Variants in ARHGEF10L observed in about 807,000 individuals in gnomAD.
ARHGEF10L encodes the protein rho guanine nucleotide exchange factor 10-like protein.
In ARHGEF10L, 69 loss-of-function variants were observed where a neutral mutation model predicts 141.2. The ratio of observed to expected loss-of-function variants is 0.49; its 90% CI spans 0.40 to 0.60. The LOEUF (loss-of-function observed/expected upper bound fraction) is 0.60, where lower values mean the gene tolerates loss of function less well. ARHGEF10L is among the 20% of genes least tolerant of loss of function. ARHGEF10L has a pLI of 0.00. For missense variants in ARHGEF10L, 1,482 were observed against 1,734.3 expected (o/e 0.85, Z 2.58); for synonymous variants, 711 against 718.5 (o/e 0.99, Z 0.17).
chr1:17,588,774 C>T (rs185163909), intron 4 of ARHGEF10L, among the ~76,000 whole-genome samples: 30 of 150,276 alleles, frequency 2.0e-4, no homozygotes, highest in African/African-American at 5.4e-4. Flanking sequence ...AGTCTGTTTG[C>T]GGCTGAAGGG....
At chr1:17,526,796 T>G in the ARHGEF10L span, among the ~76,000 whole-genome samples, 1 of 152,086 alleles carries the variant, frequency 6.6e-6, no homozygotes. Flanking sequence ...TCTCAGCTAC[T>G]TAGAGGCTGA....
chr1:17,600,260 C>T (rs2080513136), intron 4 of ARHGEF10L, among the ~76,000 whole-genome samples: 1 of 152,224 alleles, frequency 6.6e-6, no homozygotes, highest in South Asian at 2.1e-4. Flanking sequence ...CCTCCCTCTT[C>T]CCCTGCCCTG....
intron 4 of ARHGEF10L, among the ~76,000 whole-genome samples, chr1:17,596,906 G>A (rs1250419274): frequency 6.6e-6 from 1 of 152,160 alleles, no homozygotes; most frequent in African/African-American, 2.4e-5. Flanking sequence ...ACAAAAAAAA[G>A]TAGATGGGCG....
At chr1:17,581,738 G>A (rs888944890) in intron 2 of ARHGEF10L, among the ~76,000 whole-genome samples, 12 of 152,240 alleles carry the variant, frequency 7.9e-5, no homozygotes, top group East Asian at 5.8e-4. Context: ...TATGTCAGGC[G>A]TGGGCATGGG....
At chr1:17,622,809 G>A (rs1557850683) in intron 11 of ARHGEF10L, among the ~76,000 whole-genome samples, 187 bp from the exon 12 acceptor site, 1 of 152,146 alleles carries the variant, frequency 6.6e-6, no homozygotes, top group African/African-American at 2.4e-5. Context: ...TGTTGTGTGT[G>A]GCCAGTGAGG....
At chr1:17,517,495 T>C in the ARHGEF10L span, among the ~76,000 whole-genome samples, 1 of 151,862 alleles carries the variant, frequency 6.6e-6, no homozygotes, top group Non-Finnish European at 1.5e-5. Flanking sequence ...GGCTAGTTTT[T>C]GTAGAGAGAG....
chr1:17,628,191 A>G (rs1245049292), intron 15 of ARHGEF10L, among the ~76,000 whole-genome samples: 1 of 152,118 alleles, frequency 6.6e-6, no homozygotes, highest in African/African-American at 2.4e-5. Context: ...TATAAAAATT[A>G]GCCAGGCATG....
chr1:17,546,853 C>T (rs1188796223), intron 1 of ARHGEF10L, among the ~76,000 whole-genome samples: 1 of 152,182 alleles, frequency 6.6e-6, no homozygotes, highest in African/African-American at 2.4e-5. Context: ...CTCATAATTG[C>T]AGAGTGGCAG....
the ARHGEF10L span, among the ~76,000 whole-genome samples, chr1:17,515,805 G>C: frequency 6.6e-6 from 1 of 152,068 alleles, no homozygotes; most frequent in Non-Finnish European, 1.5e-5. Context: ...ACCATGCCTG[G>C]CTAACTTTTG....
At position 17,587,615 on chromosome 1, in the gene ARHGEF10L, C is replaced by T. The variant is rs146707371; in HGVS notation, c.193C>T (p.Leu65=). ...LAPERDTDPP[L]IHLDSIPVTD... ...TCCTGAGAGGGACACAGACCCCCCA[C>T]TGATCCACTTGGACTCCATCCCTGT... The change falls in exon 3 of 29, where the codon CTG becomes TTG. Residue 65 remains leucine, a synonymous_variant. Transcript: ENST00000361221. The T allele has an allele frequency of 5.6e-6, 9 of 1,613,700 alleles. No homozygotes were observed. In the African/African-American group the frequency reaches 6.7e-5, roughly 12 times the overall value.
At chr1:17,641,906 A>T (rs1279634026) in intron 21 of ARHGEF10L, among the ~76,000 whole-genome samples, 1 of 150,804 alleles carries the variant, frequency 6.6e-6, no homozygotes, top group African/African-American at 2.4e-5. Flanking sequence ...ACTTGAACCT[A>T]GGAGGCGGAG....
intron 26 of ARHGEF10L, among the ~76,000 whole-genome samples, chr1:17,667,150 G>C (rs1219852224): frequency 6.6e-6 from 1 of 152,322 alleles, no homozygotes; most frequent in Non-Finnish European, 1.5e-5. Context: ...ACAGGTGCTC[G>C]GCCTGTAGGC....
chr1:17,527,537 C>A, the ARHGEF10L span, among the ~76,000 whole-genome samples: 1 of 152,178 alleles, frequency 6.6e-6, no homozygotes, highest in South Asian at 2.1e-4. Context: ...ACCCCTCACC[C>A]GGAGCCGATC....
chr1:17,694,628 C>T, intron 27 of ARHGEF10L: 2 of 321,708 alleles, frequency 6.2e-6, no homozygotes, highest in Non-Finnish European at 1.2e-5. Flanking sequence ...GCTGTGACCT[C>T]ATCTGAAGAA....
chr1:17,520,157 G>A, the ARHGEF10L span, among the ~76,000 whole-genome samples: 1 of 152,194 alleles, frequency 6.6e-6, no homozygotes, highest in African/African-American at 2.4e-5. Context: ...GGTCCTCCCA[G>A]GCTGGTTGAT....
At chr1:17,592,501 C>G (rs758105965) in intron 4 of ARHGEF10L, among the ~76,000 whole-genome samples, 3 of 152,118 alleles carry the variant, frequency 2.0e-5, no homozygotes, top group Non-Finnish European at 4.4e-5. Flanking sequence ...GACAGGGAGA[C>G]TCATCTTCCC....
chr1:17,557,033 TA>T (rs370811589), intron 1 of ARHGEF10L, among the ~76,000 whole-genome samples: 1,609 of 119,066 alleles, frequency 0.014, 8 homozygotes, highest in Non-Finnish European at 0.019. Flanking sequence ...CTCCATCTCT[TA>T]AAAAAAAAAA....
At chr1:17,519,123 C>T in the ARHGEF10L span, among the ~76,000 whole-genome samples, 7 of 151,774 alleles carry the variant, frequency 4.6e-5, no homozygotes, top group East Asian at 5.8e-4. Context: ...TGCGGTGAGC[C>T]GAGATCGAAC....
In ARHGEF10L at chr1:17,624,375, G is replaced by A; in HGVS notation, c.1201-12G>A. ...GAGGCGGTCTCCCTGGCCCACACCT[G>A]CCTTGTTTCAGTTTTCCAAGTCCAT... On this transcript the variant is annotated splice_polypyrimidine_tract_variant and intron_variant, in intron 12 of 28. Transcript: ENST00000361221. 20 of 1,609,214 alleles carry A rather than the reference G, an allele frequency of 1.2e-5. No individual in the cohort carries two copies. Among genetic ancestry groups the A allele is most frequent in the Non-Finnish European group, 1.7e-5 (20 of 1,175,764 alleles).
Sources: gnomAD v4.1 joint callset for allele counts (sites outside exome capture counted in the v4.1 genomes callset) on GRCh38, gnomAD v4.1.1 for gene constraint, MANE v1.5 for transcripts, NCBI Gene and HGNC (gene_info 2026-07-23, HGNC 2026-07-21) for gene names.